UTRN: variants seen among roughly 807,000 people sequenced by gnomAD.
UTRN encodes utrophin, also known as dystrophin-related protein 1.
A neutral mutation model predicts 463.9 loss-of-function variants in UTRN; 283 were observed. The observed-to-expected ratio is 0.61, with a 90% confidence interval of 0.55 to 0.67. The LOEUF (loss-of-function observed/expected upper bound fraction) is 0.67, where lower values mean the gene tolerates loss of function less well. Among genes scored for constraint, UTRN ranks in the 30% least tolerant of loss-of-function variants. The probability of loss-of-function intolerance (pLI) is 0.00; values close to 1 mark genes in which losing one functional copy is unlikely to be tolerated. For missense variants in UTRN, 3,922 were observed against 4,084.3 expected, an observed-to-expected ratio of 0.96 and a Z score of 1.08; for synonymous variants, 1,442 against 1,431.5, an observed-to-expected ratio of 1.01 and a Z score of -0.17.
chr6:144,557,157 A>G lies in UTRN; in HGVS notation c.7135A>G (p.Ile2379Val). Reference protein sequence around the residue: ...PLTKQISDNQILLQELGPGDG... With the variant: ...PLTKQISDNQVLLQELGPGDG... Reference sequence around the variant, plus strand: ...AAACAGACCTGCACTTGCACCTCAGATACTGCTTCAAGAACTGGGTCCTGG... The same window carrying G: ...AAACAGACCTGCACTTGCACCTCAGGTACTGCTTCAAGAACTGGGTCCTGG... The change falls in exon 50 of 75, where the codon ATA becomes GTA. Residue 2379 changes from isoleucine to valine, a missense_variant and splice_region_variant. Coordinates refer to ENST00000367545, the MANE Select transcript of UTRN (RefSeq NM_007124.3). The G allele has an allele frequency of 6.2e-7, 1 of 1,613,494 alleles. No individual in the cohort carries two copies. Among genetic ancestry groups the G allele is most frequent in the Non-Finnish European group, 8.5e-7 (1 of 1,179,656 alleles).
chr6:144,509,682 A>G (rs937820512), intron 34 of UTRN, among the ~76,000 whole-genome samples: 4 of 152,120 alleles, frequency 2.6e-5, no homozygotes, highest in African/African-American at 9.6e-5. Flanking sequence ...ATGTATTTGC[A>G]CTTAAAGATT....
chr6:144,663,796 C>T (rs1780118072), intron 51 of UTRN, among the ~76,000 whole-genome samples: 1 of 152,204 alleles, frequency 6.6e-6, no homozygotes, highest in Admixed American at 6.5e-5. Flanking sequence ...TACCTCCTTT[C>T]ACATGACTCT....
rs1323366892 is a variant in UTRN, at chr6:144,511,181, A to C, written c.4944+58A>C. 3 of 1,376,514 alleles carry C rather than the reference A, an allele frequency of 2.2e-6. No homozygotes were observed. The Admixed American group carries it at 8.1e-5, about 37-fold the overall frequency. The allele number at this position is 1,376,514 out of a possible 1,614,324, so 85.3% of individuals were successfully genotyped here. A position where few individuals can be genotyped will look rare whatever the true frequency, so the allele number is the denominator to read the frequency against. The stretch of plus-strand genomic sequence containing the variant: ...TTCTCCTCTCTTCTAGTTATTTTTT[A>C]AATGAATACAACTTTGATTAAATTT... On this transcript the variant is annotated intron_variant, in intron 35 of 74. Transcript: ENST00000367545.
Position 144,438,820 on chromosome 6 carries a change from G to C in UTRN, c.1317G>C (p.Glu439Asp), listed in dbSNP as rs1404708880. ...QLSAWLTLTE[E>D]RIQKMETCPL... Reference sequence around the variant, plus strand: ...CCGCCTGGTTAACACTCACAGAGGAGCGCATTCAGAAGATGGAAACTTGCC... The same window carrying C: ...CCGCCTGGTTAACACTCACAGAGGACCGCATTCAGAAGATGGAAACTTGCC... The change falls in exon 12 of 75, where the codon GAG (glutamate) becomes GAC (aspartate). Residue 439 changes from glutamate to aspartate, a missense_variant. Transcript: ENST00000367545. 8.7e-6 allele frequency: 14 copies of C among 1,614,118 alleles called. No homozygotes were observed. The Admixed American group carries it at 2.0e-4, about 23-fold the overall frequency.
chr6:144,550,942 G>A (rs759074371), intron 47 of UTRN, 23 bp from the exon 48 acceptor site: 51 of 1,562,242 alleles, frequency 3.3e-5, no homozygotes, highest in East Asian at 1.1e-4. Flanking sequence ...TAACCTATCC[G>A]AATAATCATT....
chr6:144,692,728 C>CT, intron 52 of UTRN, among the ~76,000 whole-genome samples: 1 of 152,170 alleles, frequency 6.6e-6, no homozygotes, highest in Middle Eastern at 3.4e-3. Context: ...CCTTTGCCCA[C>CT]TTTTTATGGT....
intron 51 of UTRN, among the ~76,000 whole-genome samples, chr6:144,663,154 T>C (rs1780039990): frequency 6.6e-6 from 1 of 152,100 alleles, no homozygotes; most frequent in South Asian, 2.1e-4. Flanking sequence ...AAGGCCCAAT[T>C]GGAGGGAACC....
At chr6:144,411,183 A>T (rs1783864748) in intron 3 of UTRN, among the ~76,000 whole-genome samples, 1 of 152,216 alleles carries the variant, frequency 6.6e-6, no homozygotes, top group South Asian at 2.1e-4. Flanking sequence ...TTACATTTCC[A>T]GCAGCGTTCC....
chr6:144,691,845 T>G (rs1383176012), intron 52 of UTRN, among the ~76,000 whole-genome samples: 1 of 152,206 alleles, frequency 6.6e-6, no homozygotes, highest in East Asian at 1.9e-4. Context: ...CTTGTCTATT[T>G]TATTTTATTT....
At chr6:144,469,456 T>C (rs990999293) in intron 23 of UTRN, among the ~76,000 whole-genome samples, 1 of 152,210 alleles carries the variant, frequency 6.6e-6, no homozygotes, top group African/African-American at 2.4e-5. Context: ...CAATGAGTTA[T>C]TAAGGCTCAA....
intron 54 of UTRN, among the ~76,000 whole-genome samples, chr6:144,732,261 C>CATATATATATATACACATATATATAT (rs1562832840): frequency 1.6e-5 from 2 of 122,664 alleles, no homozygotes; most frequent in African/African-American, 6.6e-5. Context: ...TATATATACA[C>CATATATATATATACACATATATATAT]ACATATATAT....
chr6:144,481,618 G>A (rs1021566494), intron 26 of UTRN, among the ~76,000 whole-genome samples: 1 of 152,144 alleles, frequency 6.6e-6, no homozygotes, highest in African/African-American at 2.4e-5. Flanking sequence ...TCTGATCTTG[G>A]ACCCAGACTT....
chr6:144,836,374 G>A lies in UTRN; in HGVS notation c.9898G>A (p.Glu3300Lys). 6.2e-7 allele frequency: 1 copy of A among 1,614,106 alleles called. No homozygotes were observed. Among genetic ancestry groups the A allele is most frequent in the Non-Finnish European group, 8.5e-7 (1 of 1,179,998 alleles). Residue 3300 changes from glutamate to lysine, a missense_variant, in exon 71 of 75, where the codon GAG becomes AAG. Glu to Lys is a moderately conservative substitution (Grantham distance 56, BLOSUM62 1). Coordinates refer to ENST00000367545, the MANE Select transcript of UTRN (RefSeq NM_007124.3). ...GGGGCTCCCTGTCGGTTCACCGCCA[G>A]AGTCGATTATATCTCCCCATCACAC... The part of the protein sequence containing the change: ...RRGLPVGSPP[E>K]SIISPHHTSE...
chr6:144,508,414 T>A (rs1298817363), intron 34 of UTRN, among the ~76,000 whole-genome samples: 2 of 152,208 alleles, frequency 1.3e-5, no homozygotes, highest in Non-Finnish European at 2.9e-5. Context: ...CTGTAGGTTG[T>A]GAAGGCCTTG....
At chr6:144,610,576 A>G (rs1168360096) in intron 51 of UTRN, among the ~76,000 whole-genome samples, 1 of 152,184 alleles carries the variant, frequency 6.6e-6, no homozygotes, top group African/African-American at 2.4e-5. Flanking sequence ...AAAGCTAGCA[A>G]TACAAAAGCT....
rs540602946 is a variant in UTRN at position 144,772,102 on chromosome 6, C to T, written c.8557+134C>T. 237 of 509,576 alleles carry T rather than the reference C, an allele frequency of 4.7e-4. 1 individual carries two copies. Among genetic ancestry groups the T allele is most frequent in the African/African-American group, 4.0e-3 (181 of 45,034 alleles). The allele number at this position is 509,576 out of a possible 1,614,324, so 31.6% of individuals were successfully genotyped here. ...AGGCTGGAGTGCAGTGGCATGATCTCGGCTCACTGCAACCTCTGCCTCCCG... is the reference window on the plus strand; with the variant it reads ...AGGCTGGAGTGCAGTGGCATGATCTTGGCTCACTGCAACCTCTGCCTCCCG... On this transcript the variant is annotated intron_variant, in intron 59 of 74. Transcript: ENST00000367545.
rs148553319 is a variant in UTRN at position 144,678,525 on chromosome 6, G to A, written c.7599G>A (p.Leu2533=). 8.1e-6 allele frequency: 13 copies of A among 1,612,576 alleles called. No individual in the cohort carries two copies. The highest frequency in any genetic ancestry group is 1.0e-5 in the Non-Finnish European group (12 of 1,179,282). ...AGGCTACTATGCTTCAACATCGACTGGATGATATGAACCAAAGATGGAATG... is the reference window on the plus strand; with the variant it reads ...AGGCTACTATGCTTCAACATCGACTAGATGATATGAACCAAAGATGGAATG... ...SEEATMLQHR[L]DDMNQRWNDL... is the part of the protein sequence containing the mutation. Residue 2533 remains leucine, a synonymous_variant, in exon 52 of 75, where the codon CTG becomes CTA. Transcript: ENST00000367545.
At chr6:144,688,209 C>G (rs1231267926) in intron 52 of UTRN, among the ~76,000 whole-genome samples, 1 of 151,998 alleles carries the variant, frequency 6.6e-6, no homozygotes, top group Non-Finnish European at 1.5e-5. Context: ...AATATGTATT[C>G]CATTTCCAGA....
At chr6:144,493,012 G>A (rs958980383) in intron 32 of UTRN, among the ~76,000 whole-genome samples, 2 of 152,158 alleles carry the variant, frequency 1.3e-5, no homozygotes, top group Non-Finnish European at 2.9e-5. Flanking sequence ...CCCATTTTAT[G>A]TAGGAAAAAT....
Sources: allele counts gnomAD v4.1 joint callset (sites outside exome capture counted in the v4.1 genomes callset), GRCh38; gene constraint gnomAD v4.1.1; transcripts MANE v1.5; gene names NCBI Gene and HGNC (gene_info 2026-07-23, HGNC 2026-07-21).